PRKCB: variants seen among roughly 807,000 people sequenced by gnomAD.
PRKCB encodes protein kinase C beta.
Under a neutral mutation model 81.5 loss-of-function variants are expected in PRKCB, and 13 were observed. The observed-to-expected ratio is 0.16, with a 90% CI of 0.10 to 0.25. PRKCB has a LOEUF of 0.25. PRKCB is among the 10% of genes least tolerant of loss of function. PRKCB has a pLI of 1.00. For synonymous variants in PRKCB, 335 were observed against 321.4 expected, an observed-to-expected ratio of 1.04 and a Z score of -0.45; for missense variants, 509 against 875.7, an observed-to-expected ratio of 0.58 and a Z score of 5.29.
intron 5 of PRKCB, among the ~76,000 whole-genome samples, chr16:24,085,064 T>G (rs1966295345): frequency 6.9e-6 from 1 of 145,454 alleles, no homozygotes. Flanking sequence ...ATATGGGAAG[T>G]GGTAGGGAGG....
chr16:24,173,591 A>G (rs956989478), intron 11 of PRKCB, among the ~76,000 whole-genome samples: 1 of 152,184 alleles, frequency 6.6e-6, no homozygotes, highest in Non-Finnish European at 1.5e-5. Context: ...TACTTCTAAC[A>G]TCTAATTGAC....
At chr16:23,960,337 C>G (rs1197629867) in intron 2 of PRKCB, among the ~76,000 whole-genome samples, 2 of 152,126 alleles carry the variant, frequency 1.3e-5, no homozygotes, top group Non-Finnish European at 2.9e-5. Flanking sequence ...CACCTCTTCC[C>G]TCCCACCCTT....
chr16:23,865,175 C>T (rs79964147), intron 2 of PRKCB, among the ~76,000 whole-genome samples: 2,428 of 151,896 alleles, frequency 0.016, 60 homozygotes, highest in African/African-American at 0.056. Flanking sequence ...AGTTAGAAAA[C>T]CTAGAGGAAA....
intron 5 of PRKCB, among the ~76,000 whole-genome samples, chr16:24,056,022 A>G (rs554135445): frequency 5.3e-5 from 8 of 152,192 alleles, no homozygotes; most frequent in Non-Finnish European, 1.0e-4. Context: ...GCAGAACTGG[A>G]GTTTGGTCCC....
chr16:24,214,721 C>A lies in PRKCB; in HGVS notation c.1927C>A (p.Pro643Thr). Residue 643 changes from proline (P) to threonine (T), a missense_variant, in exon 17 of 17, where the codon CCC becomes ACC. Pro to Thr is a conservative substitution (Grantham distance 38, BLOSUM62 -1). Transcript: ENST00000643927. ...CCGCCATCCACCAGTCCTAACACCT[C>A]CCGACCAGGAAGTCATCAGGAATAT... The part of the protein sequence containing the change: ...FTRHPPVLTP[P>T]DQEVIRNIDQ... 1 of 1,614,196 alleles carries A rather than the reference C, an allele frequency of 6.2e-7. No homozygotes were observed. Among genetic ancestry groups the A allele is most frequent in the Non-Finnish European group, 8.5e-7 (1 of 1,180,036 alleles).
chr16:24,047,134 C>T (rs961923932), intron 5 of PRKCB, among the ~76,000 whole-genome samples: 47 of 151,652 alleles, frequency 3.1e-4, no homozygotes, highest in South Asian at 1.7e-3. Flanking sequence ...GTCAGGCGTT[C>T]GAGACCAGCC....
rs1658342007 is a variant in PRKCB at position 24,123,957 on chromosome 16, G to A, written c.1041G>A (p.Val347=). The change falls in exon 9 of 17, where the codon GTG becomes GTA. Residue 347 remains valine, a synonymous_variant. Transcript: ENST00000643927. ...TGACCGATTTTAACTTCCTAATGGT[G>A]CTGGGGAAAGGCAGCTTTGGCAAGG... The part of the protein sequence containing the change: ...MKLTDFNFLM[V]LGKGSFGKVM... The A allele has an allele frequency of 6.2e-7, 1 of 1,614,180 alleles. No homozygotes were observed. The highest frequency in any genetic ancestry group is 8.5e-7 in the Non-Finnish European group (1 of 1,180,012).
At chr16:23,851,656 C>G (rs1962474376) in intron 2 of PRKCB, among the ~76,000 whole-genome samples, 1 of 152,162 alleles carries the variant, frequency 6.6e-6, no homozygotes, top group Admixed American at 6.5e-5. Context: ...TGCACTGAAT[C>G]TGTAGATTGC....
At chr16:24,055,445 G>C (rs965962650) in intron 5 of PRKCB, among the ~76,000 whole-genome samples, 1 of 152,234 alleles carries the variant, frequency 6.6e-6, no homozygotes, top group East Asian at 1.9e-4. Flanking sequence ...GCCACGGATG[G>C]CTGGGTTTGG....
At chr16:23,865,515 A>G (rs62031688) in intron 2 of PRKCB, among the ~76,000 whole-genome samples, 42 of 8,902 alleles carry the variant, frequency 4.7e-3, no homozygotes, top group African/African-American at 0.023. Context: ...ATATATATAT[A>G]TATGTGTGTG....
chr16:24,132,579 G>A (rs573650171), intron 9 of PRKCB, among the ~76,000 whole-genome samples: 3 of 152,204 alleles, frequency 2.0e-5, no homozygotes, highest in African/African-American at 7.2e-5. Flanking sequence ...TCCTTACTAT[G>A]TGCCAGGCTC....
chr16:23,993,558 AC>A (rs1964916859), intron 3 of PRKCB, among the ~76,000 whole-genome samples: 1 of 152,188 alleles, frequency 6.6e-6, no homozygotes, highest in African/African-American at 2.4e-5. Flanking sequence ...CTCTGTCAAT[AC>A]TTTGAGAAAT....
intron 5 of PRKCB, among the ~76,000 whole-genome samples, chr16:24,079,972 T>A (rs946268158): frequency 2.0e-5 from 3 of 152,224 alleles, no homozygotes; most frequent in African/African-American, 7.2e-5. Context: ...CGTCATTTTT[T>A]AAGATAATTA....
chr16:24,068,193 G>T (rs566821960), intron 5 of PRKCB, among the ~76,000 whole-genome samples: 1 of 152,066 alleles, frequency 6.6e-6, no homozygotes, highest in Non-Finnish European at 1.5e-5. Context: ...AGCACCATAA[G>T]CCTGACAAAA....
chr16:24,027,831 G>T (rs143621739), intron 3 of PRKCB, among the ~76,000 whole-genome samples: 1 of 152,082 alleles, frequency 6.6e-6, no homozygotes, highest in African/African-American at 2.4e-5. Flanking sequence ...GTCCAGTGGC[G>T]TGATCATAGC....
At chr16:24,182,345 C>G (rs1967639056) in intron 13 of PRKCB, among the ~76,000 whole-genome samples, 1 of 152,040 alleles carries the variant, frequency 6.6e-6, no homozygotes, top group East Asian at 1.9e-4. Flanking sequence ...ATAGTGAGAC[C>G]CTAATCTCTA....
intron 2 of PRKCB, among the ~76,000 whole-genome samples, chr16:23,849,620 A>T (rs1278486337): frequency 2.0e-5 from 3 of 152,170 alleles, no homozygotes; most frequent in African/African-American, 7.2e-5. Flanking sequence ...GGGAAACAGG[A>T]TTGACATATA....
intron 3 of PRKCB, among the ~76,000 whole-genome samples, chr16:23,989,207 C>T (rs564425456): frequency 1.5e-4 from 23 of 152,180 alleles, no homozygotes; most frequent in African/African-American, 4.6e-4. Context: ...CCTCGTGATC[C>T]GCCGCCTCGG....
chr16:24,034,059 CAGAG>C lies in PRKCB; in HGVS notation c.401-1356_401-1353del, dbSNP rs373328868. ...CAAGAGACATGCAGCAACGTGGAAA[CAGAG>C]AGACAGACACAGAAACATGGCAAGA... On this transcript the variant is annotated intron_variant, in intron 4 of 16. Transcript: ENST00000643927. Among the ~76,000 whole-genome samples, 940 of 152,266 alleles carry C rather than the reference CAGAG, an allele frequency of 6.2e-3. 7 individuals carry two copies. Among genetic ancestry groups the C allele is most frequent in the African/African-American group, 0.022 (905 of 41,544 alleles).
Sources: allele counts gnomAD v4.1 joint callset (sites outside exome capture counted in the v4.1 genomes callset), GRCh38; gene constraint gnomAD v4.1.1; transcripts MANE v1.5; gene names NCBI Gene and HGNC (gene_info 2026-07-23, HGNC 2026-07-21).